Variants in SLMAP observed in about 807,000 individuals in gnomAD.
SLMAP encodes the protein sarcolemma associated protein.
SLMAP carries 44 observed loss-of-function variants against 128.8 expected under a neutral mutation model. The ratio of observed to expected loss-of-function variants is 0.34; its 90% CI spans 0.27 to 0.44. SLMAP has a LOEUF of 0.44. SLMAP is among the 20% of genes least tolerant of loss of function. The probability of loss-of-function intolerance (pLI) is 1.00; values close to 1 mark genes in which losing one functional copy is unlikely to be tolerated. For synonymous variants in SLMAP, 327 were observed against 348.8 expected, an observed-to-expected ratio of 0.94 and a Z score of 0.70; for missense variants, 787 against 985.3, an observed-to-expected ratio of 0.80 and a Z score of 2.69.
chr3:57,853,425 G>C (rs1174876975), intron 6 of SLMAP, among the ~76,000 whole-genome samples: 2 of 152,182 alleles, frequency 1.3e-5, no homozygotes, highest in African/African-American at 4.8e-5. Context: ...TATGTTTGAA[G>C]TGTATACTTC....
intron 13 of SLMAP, among the ~76,000 whole-genome samples, chr3:57,868,956 AAT>A (rs955920549): frequency 7.3e-5 from 10 of 136,896 alleles, no homozygotes; most frequent in South Asian, 4.3e-4. Context: ...TATTATATAT[AAT>A]ATATGTGTGT....
chr3:57,913,038 A>G, intron 20 of SLMAP, 120 bp from the exon 21 acceptor site: 1 of 562,018 alleles, frequency 1.8e-6, no homozygotes, highest in Non-Finnish European at 3.2e-6. Context: ...ACCATGTAAA[A>G]TCTACTTGCT....
At chr3:57,803,634 G>A (rs778764842) in intron 2 of SLMAP, among the ~76,000 whole-genome samples, 1 of 152,224 alleles carries the variant, frequency 6.6e-6, no homozygotes, top group Non-Finnish European at 1.5e-5. Flanking sequence ...ATTCTCCCAT[G>A]TGTTGAAGTC....
intron 2 of SLMAP, among the ~76,000 whole-genome samples, chr3:57,802,867 G>T (rs1328215843): frequency 6.6e-6 from 1 of 152,034 alleles, no homozygotes; most frequent in Non-Finnish European, 1.5e-5. Flanking sequence ...ATTTCTCTAG[G>T]AGTAGAATTG....
chr3:57,875,594 G>T (rs918596937), intron 14 of SLMAP, among the ~76,000 whole-genome samples: 13 of 152,348 alleles, frequency 8.5e-5, no homozygotes, highest in African/African-American at 3.1e-4. Context: ...AGTGCAAACA[G>T]AGAAAGTTTG....
intron 4 of SLMAP, among the ~76,000 whole-genome samples, chr3:57,844,416 TA>T (rs1007788306): frequency 5.4e-5 from 8 of 147,824 alleles, no homozygotes; most frequent in East Asian, 2.0e-4. Flanking sequence ...TTTTAAAAAT[TA>T]AAAAAAAAAA....
At chr3:57,921,456 A>G (rs2096916702) in intron 22 of SLMAP, among the ~76,000 whole-genome samples, 1 of 152,084 alleles carries the variant, frequency 6.6e-6, no homozygotes, top group South Asian at 2.1e-4. Flanking sequence ...GTGAAACTCC[A>G]TTTCTACTAA....
intron 13 of SLMAP, among the ~76,000 whole-genome samples, chr3:57,867,987 G>A (rs1177203042): frequency 6.6e-6 from 1 of 152,196 alleles, no homozygotes; most frequent in Admixed American, 6.6e-5. Flanking sequence ...AAGGCTGGGT[G>A]TGGTGGCTCA....
At chr3:57,917,708 T>C (rs2096840733) in intron 22 of SLMAP, 1 of 153,642 alleles carries the variant, frequency 6.5e-6, no homozygotes. Context: ...GCAAGAGAGG[T>C]GCATTTCACT....
intron 2 of SLMAP, among the ~76,000 whole-genome samples, chr3:57,760,252 C>T (rs1339964672): frequency 1.3e-5 from 2 of 152,156 alleles, no homozygotes; most frequent in African/African-American, 2.4e-5. Context: ...GAAATTAGTT[C>T]TTCAGAAAAA....
In SLMAP at chr3:57,757,802, C is replaced by G; in HGVS notation, c.151C>G (p.Leu51Val). The change falls in exon 2 of 25, where the codon CTA becomes GTA. Residue 51 changes from leucine to valine, a missense_variant. By Grantham distance (32) the Leu-to-Val change is conservative. Transcript: ENST00000671191. ...TAATGCCACTTTTGATTGCAAAGTG[C>G]TATCAAGGAACCACGCTCTCGTCTG... The part of the protein sequence containing the change: ...QNNATFDCKV[L>V]SRNHALVWFD... 1 of 1,614,178 alleles carries G rather than the reference C, an allele frequency of 6.2e-7. No homozygotes were observed. Among genetic ancestry groups the G allele is most frequent in the Non-Finnish European group, 8.5e-7 (1 of 1,180,034 alleles).
chr3:57,790,987 T>C (rs1454133088), intron 2 of SLMAP, among the ~76,000 whole-genome samples: 4 of 152,178 alleles, frequency 2.6e-5, no homozygotes, highest in Admixed American at 2.0e-4. Context: ...GAAAAACTTA[T>C]TTGGACAGGG....
intron 2 of SLMAP, among the ~76,000 whole-genome samples, chr3:57,769,294 G>A (rs1051535479): frequency 2.6e-5 from 4 of 151,890 alleles, no homozygotes; most frequent in Middle Eastern, 3.2e-3. Context: ...CTGGGTTCAC[G>A]CCATTCTCCT....
intron 2 of SLMAP, among the ~76,000 whole-genome samples, chr3:57,771,008 C>T (rs973131886): frequency 1.3e-5 from 2 of 152,092 alleles, no homozygotes; most frequent in African/African-American, 4.8e-5. Context: ...TTTTTGAGTA[C>T]TGACATAGTA....
At chr3:57,892,193 A>G (rs956302146) in intron 15 of SLMAP, among the ~76,000 whole-genome samples, 2 of 152,162 alleles carry the variant, frequency 1.3e-5, no homozygotes, top group Non-Finnish European at 2.9e-5. Flanking sequence ...ATCGAGCTAT[A>G]AAGTGTTTTC....
chr3:57,809,516 C>T (rs1230446408), intron 2 of SLMAP, among the ~76,000 whole-genome samples: 2 of 152,194 alleles, frequency 1.3e-5, no homozygotes, highest in Non-Finnish European at 2.9e-5. Context: ...TACAGGTACC[C>T]CTTGGCACCT....
In SLMAP at chr3:57,757,571, C is replaced by T; in HGVS notation, c.-81C>T. 1.5e-6 allele frequency: 2 copies of T among 1,346,146 alleles called. No individual in the cohort carries two copies. The highest frequency in any genetic ancestry group is 1.1e-6 in the Non-Finnish European group (1 of 950,086). 83.4% of individuals were successfully genotyped at this position (1,346,146 alleles called of 1,614,324 possible). A position where few individuals can be genotyped will look rare whatever the true frequency, so the allele number is the denominator to read the frequency against. On this transcript the variant is annotated 5_prime_UTR_variant, in exon 2 of 25. Coordinates refer to ENST00000671191, the MANE Select transcript of SLMAP (RefSeq NM_001377540.1). ...TTTAAAATTTTGGGTGGGATAGGGG[C>T]ATAGGCTTGTGAAGGGCAGTCCGGA...
chr3:57,889,658 A>G lies in SLMAP; in HGVS notation c.1301-383A>G, dbSNP rs3214066. On this transcript the variant is annotated intron_variant, in intron 14 of 24. Transcript: ENST00000671191. The stretch of plus-strand genomic sequence containing the variant: ...TTATGTCAGCAGAGAACAGTAAACT[A>G]TCGATATAACTTAATTTTTATTACT... Among the ~76,000 whole-genome samples, 1,745 of 152,264 alleles carry G rather than the reference A, an allele frequency of 0.011. 68 individuals are homozygous for G. The East Asian group carries it at 0.13, about 11-fold the overall frequency.
chr3:57,908,010 A>C lies in SLMAP; in HGVS notation c.1624+4A>C. On this transcript the variant is annotated splice_donor_region_variant and intron_variant, in intron 18 of 24. Coordinates refer to ENST00000671191, the MANE Select transcript of SLMAP (RefSeq NM_001377540.1). ...CAAAAATGCTTTGAACTTCAAGGTG[A>C]GATCAAGATTACTTTGGTTCTTTAG... The C allele has an allele frequency of 2.5e-6, 4 of 1,613,310 alleles. No homozygotes were observed. Among genetic ancestry groups the C allele is most frequent in the Non-Finnish European group, 3.4e-6 (4 of 1,179,536 alleles).
Sources: allele counts gnomAD v4.1 joint callset (sites outside exome capture counted in the v4.1 genomes callset), GRCh38; gene constraint gnomAD v4.1.1; transcripts MANE v1.5; gene names NCBI Gene and HGNC (gene_info 2026-07-23, HGNC 2026-07-21).